SPEF2: variants seen among roughly 807,000 people sequenced by gnomAD.
SPEF2 encodes the protein sperm flagella and cilia-associated protein 2.
SPEF2 carries 187 observed loss-of-function variants against 224.6 expected under a neutral mutation model. The observed-to-expected ratio is 0.83, with a 90% CI of 0.74 to 0.94. SPEF2 has a LOEUF of 0.94. Ranked by LOEUF, SPEF2 falls within the 40% of genes least tolerant of loss-of-function variation. The pLI is 0.00. For synonymous variants in SPEF2, 715 were observed against 707.3 expected, an observed-to-expected ratio of 1.01 and a Z score of -0.17; for missense variants, 2,170 against 2,135.6, an observed-to-expected ratio of 1.02 and a Z score of -0.32.
At chr5:35,792,279 C>A in intron 30 of SPEF2, 61 bp from the exon 31 acceptor site, 7 of 1,326,250 alleles carry the variant, frequency 5.3e-6, no homozygotes, top group Admixed American at 1.9e-5. Flanking sequence ...TCTATTTTAG[C>A]AAAAGAAGAG....
At chr5:35,776,441 A>G (rs1392776363) in intron 29 of SPEF2, 46 bp downstream of exon 29, 3 of 1,547,162 alleles carry the variant, frequency 1.9e-6, no homozygotes, top group Non-Finnish European at 2.6e-6. Context: ...GTGTATTCTA[A>G]GTACCAAAAT....
At chr5:35,744,277 T>C (rs1445581217) in intron 23 of SPEF2, among the ~76,000 whole-genome samples, 1 of 152,256 alleles carries the variant, frequency 6.6e-6, no homozygotes, top group African/African-American at 2.4e-5. Context: ...TTAATAGTTA[T>C]GAATCTCTCT....
At chr5:35,713,216 T>G (rs551515621) in intron 20 of SPEF2, among the ~76,000 whole-genome samples, 94 of 152,210 alleles carry the variant, frequency 6.2e-4, no homozygotes, top group Middle Eastern at 3.4e-3. Context: ...CTTGGACCCC[T>G]TATTGGATTT....
At chr5:35,742,778 A>T (rs1298188499) in intron 23 of SPEF2, among the ~76,000 whole-genome samples, 2 of 151,950 alleles carry the variant, frequency 1.3e-5, no homozygotes, top group Non-Finnish European at 2.9e-5. Context: ...TCTGTTGATC[A>T]TATAGTATAT....
rs765477850 is a variant in SPEF2, at chr5:35,641,602, A to T, written c.333A>T (p.Gly111=). 7 of 1,613,798 alleles carry T rather than the reference A, an allele frequency of 4.3e-6. No individual in the cohort carries two copies. Among genetic ancestry groups the T allele is most frequent in the Non-Finnish European group, 5.9e-6 (7 of 1,179,796 alleles). The change falls in exon 3 of 37, where the codon GGA becomes GGT. Residue 111 remains glycine, a synonymous_variant. Coordinates refer to ENST00000356031, the MANE Select transcript of SPEF2 (RefSeq NM_024867.4). ...CTCTTCAGAAAAAGAAGAAAAGTGGACTGACTGGAGTGGAGATGCAAACCA... is the reference window on the plus strand; with the variant it reads ...CTCTTCAGAAAAAGAAGAAAAGTGGTCTGACTGGAGTGGAGATGCAAACCA... ...YIALQKKKKS[G]LTGVEMQTMQ...
Position 35,670,434 on chromosome 5 carries a change from A to G in SPEF2, c.1524+207A>G, listed in dbSNP as rs967063603. 4 of 1,203,396 alleles carry G rather than the reference A, an allele frequency of 3.3e-6. No homozygotes were observed. In the African/African-American group the frequency reaches 6.3e-5, roughly 19 times the overall value. 74.5% of individuals were successfully genotyped at this position (1,203,396 alleles called of 1,614,324 possible). A position where few individuals can be genotyped will look rare whatever the true frequency, so the allele number is the denominator to read the frequency against. ...ATTATCTATTGTTCCTAGTAATCTT[A>G]GGGGAGTGGTCTGAAAAAACATCAA... On this transcript the variant is annotated intron_variant, in intron 10 of 36. Transcript: ENST00000356031.
At chr5:35,733,440 A>T (rs1188791972) in intron 21 of SPEF2, among the ~76,000 whole-genome samples, 2 of 152,194 alleles carry the variant, frequency 1.3e-5, no homozygotes, top group Non-Finnish European at 2.9e-5. Flanking sequence ...TGTCATAACA[A>T]CTTAGAGGAG....
intron 21 of SPEF2, among the ~76,000 whole-genome samples, chr5:35,734,709 C>CTTTTTTTTTTTTTT (rs869188623): frequency 1.9e-4 from 6 of 31,190 alleles, no homozygotes; most frequent in Non-Finnish European, 2.8e-4. Flanking sequence ...TCTTTTTTTT[C>CTTTTTTTTTTTTTT]TTTTTTTTTT....
At chr5:35,769,596 G>A (rs1752514590) in intron 26 of SPEF2, among the ~76,000 whole-genome samples, 1 of 152,124 alleles carries the variant, frequency 6.6e-6, no homozygotes, top group South Asian at 2.1e-4. Flanking sequence ...GCACAGCACA[G>A]ACACTCAAAG....
At chr5:35,781,753 A>G (rs1754376356) in intron 30 of SPEF2, 1 of 152,216 alleles carries the variant, frequency 6.6e-6, no homozygotes, top group African/African-American at 2.4e-5. Context: ...CTATTAGCTC[A>G]ATTATACCAT....
chr5:35,640,205 A>G (rs1404048236), intron 2 of SPEF2, among the ~76,000 whole-genome samples: 2 of 152,192 alleles, frequency 1.3e-5, no homozygotes, highest in African/African-American at 2.4e-5. Context: ...GAAATGGGTA[A>G]TGTTTGCTTT....
At chr5:35,676,371 T>C (rs1172486303) in intron 10 of SPEF2, among the ~76,000 whole-genome samples, 1 of 152,158 alleles carries the variant, frequency 6.6e-6, no homozygotes, top group African/African-American at 2.4e-5. Flanking sequence ...AAGCCCACTT[T>C]CCATTCAATC....
chr5:35,692,198 G>A (rs1175120618), intron 11 of SPEF2, among the ~76,000 whole-genome samples: 1 of 151,920 alleles, frequency 6.6e-6, no homozygotes, highest in Non-Finnish European at 1.5e-5. Context: ...ATCACCTGAG[G>A]TCAAGAGTTT....
At chr5:35,763,013 CA>C (rs1333795679) in intron 25 of SPEF2, among the ~76,000 whole-genome samples, 1 of 152,122 alleles carries the variant, frequency 6.6e-6, no homozygotes, top group Non-Finnish European at 1.5e-5. Context: ...TAGTATTAGT[CA>C]TGTGTTACTG....
chr5:35,707,605 T>C (rs10072484), intron 18 of SPEF2, among the ~76,000 whole-genome samples: 74,944 of 151,642 alleles, frequency 0.49, 18,808 homozygotes, highest in Non-Finnish European at 0.52. Flanking sequence ...TGTGGGCCTC[T>C]GCAGTGTGAA....
intron 10 of SPEF2, chr5:35,683,830 A>G (rs900100794): frequency 5.9e-5 from 9 of 152,268 alleles, no homozygotes; most frequent in Non-Finnish European, 8.8e-5. Flanking sequence ...GATAGTATTT[A>G]TGCAGGTACA....
At chr5:35,690,317 G>A (rs1315695885) in intron 10 of SPEF2, among the ~76,000 whole-genome samples, 1 of 152,046 alleles carries the variant, frequency 6.6e-6, no homozygotes, top group Non-Finnish European at 1.5e-5. Flanking sequence ...CTCGATCAAG[G>A]CATTTTAGGC....
intron 23 of SPEF2, among the ~76,000 whole-genome samples, chr5:35,747,857 C>T (rs1338081156): frequency 1.3e-5 from 2 of 152,054 alleles, no homozygotes; most frequent in Non-Finnish European, 2.9e-5. Context: ...ATACAAAACA[C>T]ATCACCCAGC....
intron 18 of SPEF2, among the ~76,000 whole-genome samples, chr5:35,707,427 G>C (rs1412795795): frequency 6.6e-6 from 1 of 152,140 alleles, no homozygotes; most frequent in Non-Finnish European, 1.5e-5. Flanking sequence ...AACTTTAAAA[G>C]TCAGAACTAA....
Sources: allele counts gnomAD v4.1 joint callset (sites outside exome capture counted in the v4.1 genomes callset), GRCh38; gene constraint gnomAD v4.1.1; transcripts MANE v1.5; gene names NCBI Gene and HGNC (gene_info 2026-07-23, HGNC 2026-07-21).